Variants in SUCLG2 observed in about 807,000 individuals in gnomAD.
SUCLG2 encodes succinate-CoA ligase GDP-forming subunit beta, also known as succinate--CoA ligase [GDP-forming] subunit beta, mitochondrial.
A neutral mutation model predicts 47.9 loss-of-function variants in SUCLG2; 42 were observed. That is an observed-to-expected ratio of 0.88 (90% CI 0.69 to 1.14). The LOEUF (loss-of-function observed/expected upper bound fraction) is 1.14, where lower values mean the gene tolerates loss of function less well. Among genes scored for constraint, SUCLG2 ranks in the 50% most tolerant of loss-of-function variants. The pLI, the probability that SUCLG2 is intolerant of heterozygous loss-of-function variation, is 0.00. For synonymous variants in SUCLG2, 195 were observed against 197.3 expected, an observed-to-expected ratio of 0.99 and a Z score of 0.10; for missense variants, 571 against 525.9, an observed-to-expected ratio of 1.09 and a Z score of -0.84.
At chr3:67,603,474 T>A (rs1708464842) in intron 2 of SUCLG2, among the ~76,000 whole-genome samples, 1 of 152,216 alleles carries the variant, frequency 6.6e-6, no homozygotes, top group African/African-American at 2.4e-5. Flanking sequence ...TATTGACGAA[T>A]GGAAACATGT....
At chr3:67,470,969 T>C (rs956251676) in intron 9 of SUCLG2, among the ~76,000 whole-genome samples, 12 of 152,172 alleles carry the variant, frequency 7.9e-5, no homozygotes, top group African/African-American at 1.2e-4. Context: ...TCTTCTGTTA[T>C]GCCTGTTAAC....
chr3:67,640,230 C>G (rs1249128332), intron 1 of SUCLG2, among the ~76,000 whole-genome samples: 1 of 152,178 alleles, frequency 6.6e-6, no homozygotes, highest in African/African-American at 2.4e-5. Context: ...AAACTCATCT[C>G]GTGTACTGCC....
chr3:67,429,057 C>T (rs1259197410), intron 9 of SUCLG2, among the ~76,000 whole-genome samples: 1 of 152,260 alleles, frequency 6.6e-6, no homozygotes, highest in South Asian at 2.1e-4. Flanking sequence ...ACTTCCCCAA[C>T]CTAGCAAGGC....
chr3:67,501,295 G>T lies in SUCLG2; in HGVS notation c.758-3000C>A, dbSNP rs930269385. ...CAAGACCCCAGTCTTTACTTAGTGG[G>T]TAAGGGAAGAAAAACTTTAAGGATG... On this transcript the variant is annotated intron_variant, in intron 7 of 10. Coordinates refer to ENST00000307227, the MANE Select transcript of SUCLG2 (RefSeq NM_003848.4). Among the ~76,000 whole-genome samples, 12 of 152,258 alleles carry T rather than the reference G, an allele frequency of 7.9e-5. No homozygotes were observed. The South Asian group carries it at 2.5e-3, about 32-fold the overall frequency.
chr3:67,595,862 T>A (rs546220752), intron 2 of SUCLG2, among the ~76,000 whole-genome samples: 3 of 152,336 alleles, frequency 2.0e-5, no homozygotes, highest in Middle Eastern at 3.4e-3. Context: ...GATGAGAGCA[T>A]AAGTAAATGA....
chr3:67,486,797 C>T lies in SUCLG2; in HGVS notation c.1062+9001G>A, dbSNP rs557691747. Among the ~76,000 whole-genome samples, 8 of 152,184 alleles carry T rather than the reference C, an allele frequency of 5.3e-5. No homozygotes were observed. In the South Asian group the frequency reaches 1.5e-3, roughly 28 times the overall value. ...GCCATAAATAGACTGCAAAAGGACA[C>T]GTTTTACAGTATGAAAGCTGAAACA... On this transcript the variant is annotated intron_variant, in intron 9 of 10. Coordinates refer to ENST00000307227, the MANE Select transcript of SUCLG2 (RefSeq NM_003848.4).
intron 2 of SUCLG2, among the ~76,000 whole-genome samples, chr3:67,557,165 A>T (rs1030863840): frequency 6.6e-5 from 10 of 152,202 alleles, no homozygotes; most frequent in African/African-American, 2.2e-4. Flanking sequence ...GAAGAGGAAT[A>T]AAGGATAGGA....
At chr3:67,404,814 G>T (rs755430335) in intron 9 of SUCLG2, among the ~76,000 whole-genome samples, 32 of 152,034 alleles carry the variant, frequency 2.1e-4, no homozygotes, top group Non-Finnish European at 4.0e-4. Context: ...TGAAAGCCTC[G>T]TGACATCATT....
rs532979925 is a variant in SUCLG2 at position 67,438,167 on chromosome 3, G to A, written c.1063-37316C>T. 7.9e-5 allele frequency among the ~76,000 whole-genome samples: 12 copies of A among 152,236 alleles called. No individual in the cohort carries two copies. In the South Asian group the frequency reaches 2.3e-3, roughly 29 times the overall value. ...ATGAAATTAAGGCAGAAATAAATAA[G>A]TTCTTTGAAACCAATGAGAACAAAG... On this transcript the variant is annotated intron_variant, in intron 9 of 10. Coordinates refer to ENST00000307227, the MANE Select transcript of SUCLG2 (RefSeq NM_003848.4).
intron 6 of SUCLG2, among the ~76,000 whole-genome samples, 192 bp from the exon 7 acceptor site, chr3:67,509,095 C>A (rs551389914): frequency 1.3e-5 from 2 of 152,294 alleles, no homozygotes; most frequent in East Asian, 3.9e-4. Flanking sequence ...CAGCTCTCCT[C>A]TAGACACCAG....
At position 67,375,618 on chromosome 3, in the gene SUCLG2, T is replaced by A. The variant is rs1471854377; in HGVS notation, c.*126A>T. The stretch of plus-strand genomic sequence containing the variant: ...CCAGAAAACACAGATTTAAGATTTT[T>A]CAGTGATTCTTGCCTTCCCCCTCCC... On this transcript the variant is annotated 3_prime_UTR_variant, in exon 11 of 11. Transcript: ENST00000307227. The A allele has an allele frequency of 1.4e-6, 2 of 1,437,838 alleles. No homozygotes were observed. The highest frequency in any genetic ancestry group is 5.0e-5 in the East Asian group (2 of 39,660). The allele number at this position is 1,437,838 out of a possible 1,614,324, so 89.1% of individuals were successfully genotyped here.
intron 10 of SUCLG2, among the ~76,000 whole-genome samples, chr3:67,394,356 C>T (rs1392269407): frequency 4.0e-5 from 6 of 150,862 alleles, no homozygotes; most frequent in South Asian, 2.1e-4. Context: ...AGCCAAGGCT[C>T]GAGAACTACT....
chr3:67,594,742 T>G (rs147802607), intron 2 of SUCLG2, among the ~76,000 whole-genome samples: 78 of 152,348 alleles, frequency 5.1e-4, no homozygotes, highest in Non-Finnish European at 8.7e-4. Context: ...CCTTCTGGTG[T>G]GATGGGTAAA....
chr3:67,562,056 T>G (rs1044512127), intron 2 of SUCLG2, among the ~76,000 whole-genome samples: 2 of 152,086 alleles, frequency 1.3e-5, no homozygotes, highest in African/African-American at 4.8e-5. Flanking sequence ...GCATTTTTGA[T>G]GGGGGAAATG....
intron 2 of SUCLG2, among the ~76,000 whole-genome samples, chr3:67,606,281 G>A (rs1700417727): frequency 1.3e-5 from 2 of 152,086 alleles, no homozygotes; most frequent in Admixed American, 1.3e-4. Flanking sequence ...CTAAATAAAT[G>A]TTCATAAAAC....
rs1277672536 is a variant in SUCLG2, at chr3:67,529,191, A to G, written c.227-5T>C. ...TTAAAACAATTTCTTTTGCATCTGA[A>G]AAAGAAAAATCCAGAGTTGGTAGCT... On this transcript the variant is annotated splice_polypyrimidine_tract_variant and splice_region_variant and intron_variant, in intron 2 of 10. Coordinates refer to ENST00000307227, the MANE Select transcript of SUCLG2 (RefSeq NM_003848.4). The G allele has an allele frequency of 3.7e-6, 6 of 1,605,468 alleles. No homozygotes were observed. Among genetic ancestry groups the G allele is most frequent in the Non-Finnish European group, 5.1e-6 (6 of 1,177,566 alleles).
At chr3:67,609,679 G>C in intron 1 of SUCLG2, 83 bp from the exon 2 acceptor site, 1 of 1,350,784 alleles carries the variant, frequency 7.4e-7, no homozygotes, top group Non-Finnish European at 9.9e-7. Context: ...AGTCTTAGAG[G>C]TACTGTTGAC....
chr3:67,527,603 G>C (rs985676144), intron 4 of SUCLG2, among the ~76,000 whole-genome samples: 1 of 152,116 alleles, frequency 6.6e-6, no homozygotes, highest in Admixed American at 6.5e-5. Flanking sequence ...GTGTGGATGA[G>C]GGGTGTGTGT....
intron 2 of SUCLG2, among the ~76,000 whole-genome samples, chr3:67,572,568 A>T (rs1044524190): frequency 2.6e-5 from 4 of 152,208 alleles, no homozygotes; most frequent in African/African-American, 7.2e-5. Flanking sequence ...CAGTAAAAAA[A>T]TGTACTCTCT....
Sources: allele counts gnomAD v4.1 joint callset (sites outside exome capture counted in the v4.1 genomes callset), GRCh38; gene constraint gnomAD v4.1.1; transcripts MANE v1.5; gene names NCBI Gene and HGNC (gene_info 2026-07-23, HGNC 2026-07-21).